TRIP12: variants seen among roughly 807,000 people sequenced by gnomAD.
TRIP12 encodes the protein E3 ubiquitin-protein ligase TRIP12.
In TRIP12, 25 loss-of-function variants were observed where a neutral mutation model predicts 244.2. That is an observed-to-expected ratio of 0.10 (90% confidence interval 0.07 to 0.14). The LOEUF (loss-of-function observed/expected upper bound fraction) is 0.14, where lower values mean the gene tolerates loss of function less well. TRIP12 is among the 10% of genes least tolerant of loss of function. TRIP12 has a pLI of 1.00. For synonymous variants in TRIP12, 905 were observed against 873.1 expected (o/e 1.04, Z -0.64); for missense variants, 1,677 against 2,486.4 (o/e 0.67, Z 6.92).
chr2:229,894,739 T>C (rs550716244), intron 1 of TRIP12, among the ~76,000 whole-genome samples: 57 of 152,262 alleles, frequency 3.7e-4, no homozygotes, highest in Non-Finnish European at 7.2e-4. Flanking sequence ...CAAATCCTAC[T>C]GATCACTTAA....
chr2:229,892,068 CT>C (rs751760113), intron 1 of TRIP12, among the ~76,000 whole-genome samples: 16 of 152,294 alleles, frequency 1.1e-4, no homozygotes, highest in Middle Eastern at 3.4e-3. Flanking sequence ...ATTTGAAGGC[CT>C]ATTTGACAGG....
At chr2:229,881,762 A>T (rs1053069721) in intron 1 of TRIP12, among the ~76,000 whole-genome samples, 8 of 152,194 alleles carry the variant, frequency 5.3e-5, no homozygotes, top group African/African-American at 1.7e-4. Flanking sequence ...TGAAACTCTC[A>T]TTTGTGTGTA....
chr2:229,903,056 T>C (rs2071535026), intron 1 of TRIP12, among the ~76,000 whole-genome samples: 1 of 149,210 alleles, frequency 6.7e-6, no homozygotes, highest in East Asian at 2.0e-4. Flanking sequence ...ATGATCCAGT[T>C]GTCAGTAATA....
chr2:229,825,706 TG>T (rs1292996118), intron 8 of TRIP12, among the ~76,000 whole-genome samples: 3 of 152,020 alleles, frequency 2.0e-5, no homozygotes, highest in African/African-American at 7.2e-5. Flanking sequence ...TCCCTCCCAG[TG>T]GGGATTATGG....
At chr2:229,828,780 A>G (rs988751117) in intron 8 of TRIP12, among the ~76,000 whole-genome samples, 2 of 152,036 alleles carry the variant, frequency 1.3e-5, no homozygotes, top group African/African-American at 4.8e-5. Flanking sequence ...AAAAATATAT[A>G]TATATAAAAA....
intron 4 of TRIP12, among the ~76,000 whole-genome samples, chr2:229,844,599 A>G (rs993524673): frequency 1.3e-5 from 2 of 152,248 alleles, no homozygotes; most frequent in Non-Finnish European, 2.9e-5. Context: ...TAGCAATGAA[A>G]TAAGTAAACT....
chr2:229,890,455 A>G (rs2067076183), intron 1 of TRIP12, among the ~76,000 whole-genome samples: 2 of 152,220 alleles, frequency 1.3e-5, no homozygotes. Context: ...CCTGACTTAC[A>G]ATAAAAAATA....
chr2:229,799,018 T>C lies in TRIP12; in HGVS notation c.3339A>G (p.Lys1113=). 1 of 1,614,124 alleles carries C rather than the reference T, an allele frequency of 6.2e-7. No homozygotes were observed. The highest frequency in any genetic ancestry group is 8.5e-7 in the Non-Finnish European group (1 of 1,180,026). Residue 1113 remains lysine (K), a synonymous_variant, in exon 23 of 42, where the codon AAA becomes AAG. Coordinates refer to ENST00000675903, the MANE Select transcript of TRIP12 (RefSeq NM_001348323.3). ...AKSPTTTQSP[K]SSFLASLNPK... The stretch of plus-strand genomic sequence containing the variant: ...GATTCAAGCTTGCCAGGAAAGAAGA[T>C]TTAGGTGACTGAGTAGTGGTGGGGC...
chr2:229,922,320 C>T (rs557866151), upstream of TRIP12: 17 of 602,466 alleles, frequency 2.8e-5, no homozygotes, highest in African/African-American at 1.3e-4. Context: ...CTCGGGTCAC[C>T]CGGGACCTGG....
intron 1 of TRIP12, among the ~76,000 whole-genome samples, chr2:229,908,471 G>A (rs1474036369): frequency 1.3e-5 from 2 of 152,216 alleles, no homozygotes; most frequent in Admixed American, 6.5e-5. Flanking sequence ...TAGGCCGGGC[G>A]CGGTGGCTCA....
chr2:229,901,827 T>A (rs938197432), intron 1 of TRIP12, among the ~76,000 whole-genome samples: 3 of 151,970 alleles, frequency 2.0e-5, no homozygotes, highest in African/African-American at 7.3e-5. Flanking sequence ...AAGTAGAGAC[T>A]ACAGACAGAA....
At chr2:229,858,702 G>T in intron 4 of TRIP12, 70 bp downstream of exon 4, 1 of 1,354,076 alleles carries the variant, frequency 7.4e-7, no homozygotes, top group Non-Finnish European at 1.0e-6. Context: ...TAACTTTAAA[G>T]CATAATTGCT....
chr2:229,833,211 T>C (rs1048848233), intron 6 of TRIP12, among the ~76,000 whole-genome samples: 3 of 152,202 alleles, frequency 2.0e-5, no homozygotes, highest in Non-Finnish European at 2.9e-5. Flanking sequence ...ATAAAACCTA[T>C]AGAAGAACAT....
intron 1 of TRIP12, among the ~76,000 whole-genome samples, chr2:229,914,909 C>G (rs55888866): frequency 0.3 from 46,253 of 152,050 alleles, 7,257 homozygotes; most frequent in Middle Eastern, 0.45. Flanking sequence ...GAATAAACTA[C>G]AATGATGTAT....
chr2:229,839,678 CAAAAAAA>C (rs1228213948), intron 5 of TRIP12, among the ~76,000 whole-genome samples: 3 of 95,014 alleles, frequency 3.2e-5, no homozygotes, highest in East Asian at 2.9e-4. Flanking sequence ...GACTCCATCT[CAAAAAAA>C]AAAAAAAGAA....
chr2:229,858,451 G>T, intron 4 of TRIP12, among the ~76,000 whole-genome samples: 1 of 152,288 alleles, frequency 6.6e-6, no homozygotes, highest in East Asian at 1.9e-4. Context: ...ATGTGGTATA[G>T]AAGAAAATCC....
intron 1 of TRIP12, among the ~76,000 whole-genome samples, chr2:229,880,852 G>A (rs1012446234): frequency 7.2e-5 from 11 of 152,188 alleles, no homozygotes; most frequent in Non-Finnish European, 1.3e-4. Context: ...GCTGAGGCAG[G>A]AGAATCGCTC....
intron 27 of TRIP12, 144 bp from the exon 28 acceptor site, chr2:229,792,370 GT>G: frequency 1.2e-6 from 1 of 808,186 alleles, no homozygotes. Flanking sequence ...GCCCAGAAGT[GT>G]TTTAGATTTC....
chr2:229,787,419 A>C, intron 33 of TRIP12, 86 bp downstream of exon 33: 2 of 1,401,840 alleles, frequency 1.4e-6, no homozygotes, highest in Non-Finnish European at 1.9e-6. Flanking sequence ...CAAGACCAAC[A>C]TGCATATTTA....
Sources: gnomAD v4.1 joint callset for allele counts (sites outside exome capture counted in the v4.1 genomes callset) on GRCh38, gnomAD v4.1.1 for gene constraint, MANE v1.5 for transcripts, NCBI Gene and HGNC (gene_info 2026-07-23, HGNC 2026-07-21) for gene names.